The following BRDT variants were observed in gnomAD, a reference collection of about 807,000 sequenced individuals.
BRDT encodes the protein bromodomain testis-specific protein.
In BRDT, 77 loss-of-function variants were observed where a neutral mutation model predicts 113.9. The ratio of observed to expected loss-of-function variants is 0.68; its 90% confidence interval spans 0.56 to 0.82. BRDT has a LOEUF of 0.82. BRDT is among the 40% of genes least tolerant of loss of function. BRDT has a pLI of 0.00. For missense variants in BRDT, 1,027 were observed against 1,105.4 expected (o/e 0.93, Z 1.01); for synonymous variants, 358 against 366.5 (o/e 0.98, Z 0.26).
At chr1:91,987,476 G>C (rs1437617131) in intron 12 of BRDT, among the ~76,000 whole-genome samples, 3 of 151,836 alleles carry the variant, frequency 2.0e-5, no homozygotes, top group Non-Finnish European at 4.4e-5. Flanking sequence ...TGGAGCTACA[G>C]GTGCACACCA....
Position 91,999,661 on chromosome 1 carries a change from A to G in BRDT, c.2288-2388A>G, listed in dbSNP as rs563372156. The stretch of plus-strand genomic sequence containing the variant: ...CATTTATGCAGGTGGCCATACATTG[A>G]TCATTTTCTATATATCATGACATGG... On this transcript the variant is annotated intron_variant, in intron 15 of 18. Transcript: ENST00000399546. Among the ~76,000 whole-genome samples the G allele has an allele frequency of 4.6e-5, 7 of 152,242 alleles. No individual in the cohort carries two copies. The East Asian group carries it at 1.4e-3, about 29-fold the overall frequency.
At chr1:92,009,047 T>C (rs1327231712) in intron 18 of BRDT, among the ~76,000 whole-genome samples, 5 of 152,216 alleles carry the variant, frequency 3.3e-5, no homozygotes, top group African/African-American at 9.7e-5. Context: ...ATGTTGTATA[T>C]TAAATCTCTT....
chr1:91,966,369 T>C (rs1021236080), intron 3 of BRDT, among the ~76,000 whole-genome samples: 1 of 152,212 alleles, frequency 6.6e-6, no homozygotes, highest in African/African-American at 2.4e-5. Flanking sequence ...CCAGCTTATA[T>C]GTATAAAAGA....
In BRDT at chr1:91,955,784, C is replaced by T. The variant is rs140526417; in HGVS notation, c.-38+6102C>T. ...ACTTCACATTAGAAACCAGGGCCTC[C>T]AGCCAAGAAATGCAGAGAGTTCACC... is the stretch of plus-strand genomic sequence containing the variant. On this transcript the variant is annotated intron_variant, in intron 1 of 18. Transcript: ENST00000399546. 8.0e-4 allele frequency among the ~76,000 whole-genome samples: 119 copies of T among 148,270 alleles called. No homozygotes were observed. The East Asian group carries it at 0.022, about 28-fold the overall frequency.
At chr1:91,959,049 A>G (rs1682115676) in intron 1 of BRDT, among the ~76,000 whole-genome samples, 1 of 152,108 alleles carries the variant, frequency 6.6e-6, no homozygotes, top group Non-Finnish European at 1.5e-5. Flanking sequence ...CCTGACTCAA[A>G]AAAAAGTAGA....
chr1:91,999,419 CT>C (rs2101783990), intron 15 of BRDT, among the ~76,000 whole-genome samples: 1 of 152,254 alleles, frequency 6.6e-6, no homozygotes, highest in African/African-American at 2.4e-5. Context: ...ACTTCCTAGG[CT>C]TTTATGACAC....
chr1:92,004,609 G>C lies in BRDT; in HGVS notation c.2584G>C (p.Glu862Gln). Residue 862 changes from glutamate to glutamine, a missense_variant, in exon 17 of 19, where the codon GAA becomes CAA. Physicochemically the swap from Glu to Gln is conservative, Grantham distance 29. Coordinates refer to ENST00000399546, the MANE Select transcript of BRDT (RefSeq NM_207189.4). ...QNTKELKASQ[E>Q]NQRDLGNGLT... is the part of the protein sequence containing the mutation. Reference sequence around the variant, plus strand: ...TACAAAGGAACTAAAAGCATCTCAAGAAAATCAGAGGTCTGTAATTTACTG... The same window carrying C: ...TACAAAGGAACTAAAAGCATCTCAACAAAATCAGAGGTCTGTAATTTACTG... 1 of 1,604,906 alleles carries C rather than the reference G, an allele frequency of 6.2e-7. No individual in the cohort carries two copies. Among genetic ancestry groups the C allele is most frequent in the Non-Finnish European group, 8.5e-7 (1 of 1,177,470 alleles).
intron 1 of BRDT, among the ~76,000 whole-genome samples, chr1:91,952,831 G>T (rs979134886): frequency 4.0e-5 from 6 of 151,798 alleles, no homozygotes; most frequent in African/African-American, 1.5e-4. Context: ...GGTGATGGGG[G>T]AGTGTTATCT....
At chr1:92,007,564 TCTC>T (rs1297246398) in intron 18 of BRDT, among the ~76,000 whole-genome samples, 3 of 152,228 alleles carry the variant, frequency 2.0e-5, no homozygotes, top group Non-Finnish European at 2.9e-5. Flanking sequence ...CAAGACATGA[TCTC>T]CTTCTTTATG....
At position 91,967,402 on chromosome 1, in the gene BRDT, AT is replaced by A. The variant is rs1191398119; in HGVS notation, c.331-730del. Among the ~76,000 whole-genome samples the A allele has an allele frequency of 6.9e-3, 932 of 134,156 alleles. 10 individuals carry two copies. Among genetic ancestry groups the A allele is most frequent in the African/African-American group, 0.016 (591 of 36,180 alleles). 88.0% of individuals were successfully genotyped at this position (134,156 alleles called of 152,430 possible). A position where few individuals can be genotyped will look rare whatever the true frequency, so the allele number is the denominator to read the frequency against. Reference sequence around the variant, plus strand: ...AGGCATGCGCAACCGCACCTGGCTAATTTTTTTTTTTTTTAAACGTAGTTTT... The same window carrying A: ...AGGCATGCGCAACCGCACCTGGCTAATTTTTTTTTTTTTAAACGTAGTTTT... On this transcript the variant is annotated intron_variant, in intron 3 of 18. Coordinates refer to ENST00000399546, the MANE Select transcript of BRDT (RefSeq NM_207189.4).
intron 15 of BRDT, among the ~76,000 whole-genome samples, chr1:91,998,897 G>A (rs1686589197): frequency 6.6e-6 from 1 of 152,168 alleles, no homozygotes; most frequent in Non-Finnish European, 1.5e-5. Context: ...GATTAAACAG[G>A]AATGTGGAAA....
intron 6 of BRDT, 28 bp downstream of exon 6, chr1:91,977,421 T>C (rs752313117): frequency 2.8e-5 from 40 of 1,426,436 alleles, no homozygotes; most frequent in Non-Finnish European, 3.7e-5. Flanking sequence ...AGGAAGAACT[T>C]CTTTTTCTTG....
chr1:91,978,382 A>G (rs184441644), intron 7 of BRDT, 86 bp downstream of exon 7: 16 of 1,480,988 alleles, frequency 1.1e-5, no homozygotes, highest in Non-Finnish European at 3.7e-6. Context: ...GAGATAAAGA[A>G]TAATAACTCC....
intron 16 of BRDT, among the ~76,000 whole-genome samples, chr1:92,003,328 A>G (rs1210608318): frequency 1.3e-5 from 2 of 152,204 alleles, no homozygotes; most frequent in African/African-American, 4.8e-5. Flanking sequence ...AAATACATCA[A>G]AAGTGCAATC....
intron 3 of BRDT, 114 bp downstream of exon 3, chr1:91,964,878 C>G: frequency 2.9e-6 from 1 of 343,702 alleles, no homozygotes; most frequent in Non-Finnish European, 5.1e-6. Flanking sequence ...AGATACTTGA[C>G]GTGTGTGTGT....
Position 91,977,107 on chromosome 1 carries a change from G to A in BRDT, c.683G>A (p.Ser228Asn), listed in dbSNP as rs1400519523. The A allele has an allele frequency of 6.2e-6, 10 of 1,613,566 alleles. No individual in the cohort carries two copies. The highest frequency in any genetic ancestry group is 8.5e-6 in the Non-Finnish European group (10 of 1,179,868). ...CCTGCAACTTCAGCAGTTAAAGCAAGTAGTGAATTTTCTCCAACATTCACA... is the reference window on the plus strand; with the variant it reads ...CCTGCAACTTCAGCAGTTAAAGCAAATAGTGAATTTTCTCCAACATTCACA... ...TTPATSAVKA[S>N]SEFSPTFTEK... The change falls in exon 6 of 19, where the codon AGT becomes AAT. Residue 228 changes from serine (S) to asparagine (N), a missense_variant. Physicochemically the swap from Ser to Asn is conservative, Grantham distance 46. Transcript: ENST00000399546.
intron 18 of BRDT, among the ~76,000 whole-genome samples, chr1:92,008,853 T>G (rs1687559068): frequency 6.6e-6 from 1 of 152,242 alleles, no homozygotes; most frequent in Admixed American, 6.5e-5. Context: ...TTTAAAAAAT[T>G]AATTATCTTA....
chr1:92,006,388 G>GT (rs761525544), intron 18 of BRDT, among the ~76,000 whole-genome samples: 91 of 148,098 alleles, frequency 6.1e-4, no homozygotes, highest in Middle Eastern at 7.0e-3. Context: ...CCTATCTTGT[G>GT]TTTTTTTTTT....
At chr1:91,982,460 G>A (rs3767855) in intron 12 of BRDT, among the ~76,000 whole-genome samples, 109,245 of 152,032 alleles carry the variant, frequency 0.72, 40,187 homozygotes, top group Middle Eastern at 0.82. Flanking sequence ...CTTGGCAGTG[G>A]TGTTCCATCT....
Sources: gnomAD v4.1 joint callset for allele counts (sites outside exome capture counted in the v4.1 genomes callset) on GRCh38, gnomAD v4.1.1 for gene constraint, MANE v1.5 for transcripts, NCBI Gene and HGNC (gene_info 2026-07-23, HGNC 2026-07-21) for gene names.